The following HPSE2 variants were observed in gnomAD, a reference collection of about 807,000 sequenced individuals.
The protein encoded by HPSE2 is inactive heparanase-2.
HPSE2 carries 38 observed loss-of-function variants against 60.5 expected under a neutral mutation model. That is an observed-to-expected ratio of 0.63 (90% CI 0.48 to 0.82). The LOEUF (loss-of-function observed/expected upper bound fraction) is 0.82. Among genes scored for constraint, HPSE2 ranks in the 40% least tolerant of loss-of-function variants. HPSE2 has a pLI of 0.00. For synonymous variants in HPSE2, 295 were observed against 293.2 expected (o/e 1.01, Z -0.06); for missense variants, 713 against 740.4 (o/e 0.96, Z 0.43).
intron 2 of HPSE2, among the ~76,000 whole-genome samples, chr10:99,229,177 A>T (rs1444260725): frequency 5.7e-4 from 86 of 151,588 alleles, no homozygotes; most frequent in Admixed American, 1.4e-3. Context: ...CATATCGAAA[A>T]AAAAAAAAAA....
intron 9 of HPSE2, among the ~76,000 whole-genome samples, chr10:98,553,067 T>A (rs1029626489): frequency 6.6e-6 from 1 of 152,324 alleles, no homozygotes; most frequent in Middle Eastern, 3.4e-3. Context: ...CTGATAATTT[T>A]GCAATTAGTC....
intron 10 of HPSE2, among the ~76,000 whole-genome samples, chr10:98,489,469 C>T (rs997095424): frequency 1.3e-5 from 2 of 152,228 alleles, no homozygotes; most frequent in African/African-American, 4.8e-5. Context: ...CCAGATTTCA[C>T]TTAGCCTCTT....
chr10:99,299,348 G>A, the HPSE2 span, among the ~76,000 whole-genome samples: 1 of 152,190 alleles, frequency 6.6e-6, no homozygotes, highest in Non-Finnish European at 1.5e-5. Context: ...GGCAGCTGAT[G>A]GAGACGGAGA....
At chr10:98,804,069 A>T (rs1950983514) in intron 3 of HPSE2, among the ~76,000 whole-genome samples, 1 of 152,036 alleles carries the variant, frequency 6.6e-6, no homozygotes, top group South Asian at 2.1e-4. Flanking sequence ...TAGGTATTTT[A>T]TTCTCTTTGA....
chr10:98,723,002 T>C (rs1049700190), intron 4 of HPSE2, among the ~76,000 whole-genome samples: 1 of 152,212 alleles, frequency 6.6e-6, no homozygotes, highest in African/African-American at 2.4e-5. Context: ...TAACACTATG[T>C]TGAATAGGAG....
intron 9 of HPSE2, among the ~76,000 whole-genome samples, chr10:98,567,265 C>T (rs984617437): frequency 2.0e-5 from 3 of 152,186 alleles, no homozygotes; most frequent in African/African-American, 4.8e-5. Flanking sequence ...ACATACATCC[C>T]TTCTGAGCTG....
chr10:98,680,728 G>A (rs1029434037), intron 6 of HPSE2, among the ~76,000 whole-genome samples: 2 of 152,090 alleles, frequency 1.3e-5, no homozygotes, highest in African/African-American at 4.8e-5. Flanking sequence ...GCACTTGTAT[G>A]ATTGAGCTGC....
chr10:98,943,639 C>A (rs1955092141), intron 3 of HPSE2, among the ~76,000 whole-genome samples: 1 of 152,094 alleles, frequency 6.6e-6, no homozygotes, highest in Non-Finnish European at 1.5e-5. Flanking sequence ...TTTCTCTCTC[C>A]CCCTGCTGTC....
intron 3 of HPSE2, among the ~76,000 whole-genome samples, chr10:98,949,225 AACACGC>A (rs750765756): frequency 8.3e-4 from 118 of 143,012 alleles, no homozygotes; most frequent in Non-Finnish European, 1.2e-3. Context: ...GTAATCCTCC[AACACGC>A]ACACGCACAC....
rs568882961 is a variant in HPSE2 at position 98,546,155 on chromosome 10, G to T, written c.1321-55959C>A. ...GCCACTGCTCAATGAAATAAAAGAG[G>T]ATACAAACAAATGGAAGAACATTCC... On this transcript the variant is annotated intron_variant, in intron 9 of 11. Coordinates refer to ENST00000370552, the MANE Select transcript of HPSE2 (RefSeq NM_021828.5). 3.7e-4 allele frequency among the ~76,000 whole-genome samples: 50 copies of T among 136,806 alleles called. 1 individual carries two copies. The highest frequency in any genetic ancestry group is 1.3e-3 in the African/African-American group (50 of 39,880). 89.8% of individuals were successfully genotyped at this position (136,806 alleles called of 152,430 possible). A position where few individuals can be genotyped will look rare whatever the true frequency, so the allele number is the denominator to read the frequency against.
intron 3 of HPSE2, among the ~76,000 whole-genome samples, chr10:99,093,974 A>T (rs892152994): frequency 6.6e-5 from 10 of 152,142 alleles, no homozygotes; most frequent in Non-Finnish European, 7.4e-5. Context: ...TCAACTTTTT[A>T]AATTAAGTGC....
intron 3 of HPSE2, among the ~76,000 whole-genome samples, chr10:99,103,959 C>T (rs538649514): frequency 6.6e-6 from 1 of 152,154 alleles, no homozygotes; most frequent in Non-Finnish European, 1.5e-5. Flanking sequence ...GGATCCCTTC[C>T]TTACACCTTA....
At chr10:98,499,761 T>A (rs943026516) in intron 9 of HPSE2, among the ~76,000 whole-genome samples, 2 of 152,126 alleles carry the variant, frequency 1.3e-5, no homozygotes, top group African/African-American at 2.4e-5. Flanking sequence ...AACAACCAAC[T>A]ATCTGCTGCC....
intron 2 of HPSE2, among the ~76,000 whole-genome samples, chr10:99,174,351 T>C (rs1475763284): frequency 1.3e-5 from 2 of 152,212 alleles, no homozygotes; most frequent in Non-Finnish European, 2.9e-5. Context: ...TCCAACTATA[T>C]TTAAGTTCCT....
chr10:98,999,149 T>C (rs1005844777), intron 3 of HPSE2, among the ~76,000 whole-genome samples: 32 of 143,006 alleles, frequency 2.2e-4, no homozygotes, highest in African/African-American at 8.3e-4. Context: ...CTAAGTGGTA[T>C]AGACTACGTG....
At chr10:98,965,082 G>A (rs544260797) in intron 3 of HPSE2, among the ~76,000 whole-genome samples, 1 of 152,208 alleles carries the variant, frequency 6.6e-6, no homozygotes, top group African/African-American at 2.4e-5. Flanking sequence ...TCTGTCAACA[G>A]ACCACCCACT....
chr10:99,047,561 CT>C (rs1475694960), intron 3 of HPSE2: 1 of 528,426 alleles, frequency 1.9e-6, no homozygotes, highest in Non-Finnish European at 3.3e-6. Flanking sequence ...TATTCACAAA[CT>C]TTGCATATGC....
At chr10:98,611,781 A>T (rs1355752247) in intron 9 of HPSE2, among the ~76,000 whole-genome samples, 4 of 152,240 alleles carry the variant, frequency 2.6e-5, no homozygotes, top group Non-Finnish European at 5.9e-5. Context: ...AAAGATAAAA[A>T]GAAAGCCTGC....
intron 3 of HPSE2, among the ~76,000 whole-genome samples, chr10:98,849,945 C>T (rs755844577): frequency 9.9e-5 from 15 of 152,092 alleles, no homozygotes; most frequent in Non-Finnish European, 1.5e-4. Context: ...GGTTTCTCCA[C>T]GTTTGTCAGG....
Sources: allele counts gnomAD v4.1 joint callset (sites outside exome capture counted in the v4.1 genomes callset), GRCh38; gene constraint gnomAD v4.1.1; transcripts MANE v1.5; gene names NCBI Gene and HGNC (gene_info 2026-07-23, HGNC 2026-07-21).